The following HIBCH variants were observed in gnomAD, a reference collection of about 807,000 sequenced individuals.
HIBCH encodes the protein 3-hydroxyisobutyryl-CoA hydrolase.
A neutral mutation model predicts 58.2 loss-of-function variants in HIBCH; 50 were observed. The ratio of observed to expected loss-of-function variants is 0.86; its 90% CI spans 0.68 to 1.09. The LOEUF (loss-of-function observed/expected upper bound fraction) is 1.09, where lower values mean the gene tolerates loss of function less well. HIBCH is among the 50% of genes least tolerant of loss of function. The pLI, the probability that HIBCH is intolerant of heterozygous loss-of-function variation, is 0.00. For missense variants in HIBCH, 450 were observed against 449.7 expected (o/e 1.00, Z -0.01); for synonymous variants, 151 against 146.9 (o/e 1.03, Z -0.20).
At chr2:190,208,687 G>A (rs1199325483) in intron 13 of HIBCH, 193 bp downstream of exon 13, 3 of 438,722 alleles carry the variant, frequency 6.8e-6, no homozygotes, top group Non-Finnish European at 1.2e-5. Flanking sequence ...TTTTTTTTCA[G>A]ATTTTGGAAT....
chr2:190,227,296 C>T (rs563494893), intron 11 of HIBCH, among the ~76,000 whole-genome samples: 3 of 152,058 alleles, frequency 2.0e-5, no homozygotes, highest in Admixed American at 1.3e-4. Flanking sequence ...CCTTGACAAA[C>T]GTGACAAAAA....
chr2:190,238,821 T>C (rs1266151105), intron 11 of HIBCH, among the ~76,000 whole-genome samples: 2 of 152,050 alleles, frequency 1.3e-5, no homozygotes, highest in Non-Finnish European at 1.5e-5. Context: ...TTTGATGGGG[T>C]TGTTTTTTTC....
chr2:190,219,819 T>C (rs569624543), intron 11 of HIBCH, among the ~76,000 whole-genome samples: 1 of 152,300 alleles, frequency 6.6e-6, no homozygotes, highest in South Asian at 2.1e-4. Context: ...TCATTAAAAG[T>C]CTCGCTTTCG....
intron 11 of HIBCH, among the ~76,000 whole-genome samples, chr2:190,233,751 C>T (rs764250892): frequency 1.2e-4 from 19 of 152,064 alleles, no homozygotes; most frequent in Non-Finnish European, 2.2e-4. Flanking sequence ...CCCACATGGA[C>T]GATAAATATA....
At chr2:190,295,680 T>A (rs773400690) in intron 3 of HIBCH, among the ~76,000 whole-genome samples, 1 of 152,272 alleles carries the variant, frequency 6.6e-6, no homozygotes, top group Non-Finnish European at 1.5e-5. Context: ...TTAATAGAGA[T>A]GTTATTCTAA....
chr2:190,284,565 T>G (rs1431689584), intron 6 of HIBCH, among the ~76,000 whole-genome samples: 7 of 152,196 alleles, frequency 4.6e-5, no homozygotes, highest in Admixed American at 3.3e-4. Flanking sequence ...TATTTTTATT[T>G]TATATTTATA....
chr2:190,268,691 A>T (rs1339925269), intron 6 of HIBCH, among the ~76,000 whole-genome samples: 8 of 152,244 alleles, frequency 5.3e-5, no homozygotes, highest in Admixed American at 1.3e-4. Context: ...GCAACTAGGA[A>T]TCAGCACTTG....
intron 1 of HIBCH, among the ~76,000 whole-genome samples, chr2:190,192,274 T>G (rs1396047933): frequency 6.6e-6 from 1 of 152,122 alleles, no homozygotes; most frequent in Non-Finnish European, 1.5e-5. Flanking sequence ...TTTATGGGTG[T>G]ATCTCTGGAC....
chr2:190,244,482 C>A (rs998728883), intron 11 of HIBCH, among the ~76,000 whole-genome samples: 5 of 152,058 alleles, frequency 3.3e-5, no homozygotes, highest in African/African-American at 1.2e-4. Context: ...TTAGAAAGAC[C>A]ATATTAAGTA....
At chr2:190,266,487 G>A (rs1055584166) in intron 6 of HIBCH, among the ~76,000 whole-genome samples, 7 of 152,132 alleles carry the variant, frequency 4.6e-5, no homozygotes, top group African/African-American at 1.7e-4. Flanking sequence ...AGGCTGAAGT[G>A]CAGTGGCGTG....
At chr2:190,196,787 T>C (rs1053998116) in intron 1 of HIBCH, among the ~76,000 whole-genome samples, 4 of 152,184 alleles carry the variant, frequency 2.6e-5, no homozygotes, top group Non-Finnish European at 5.9e-5. Flanking sequence ...AATATTAATA[T>C]ATTATCTGGC....
In HIBCH at chr2:190,209,377, G is replaced by A. The variant is rs771818814; in HGVS notation, c.1012-464C>T. 6.6e-6 allele frequency among the ~76,000 whole-genome samples: 1 copy of A among 152,056 alleles called. No individual in the cohort carries two copies. Among genetic ancestry groups the A allele is most frequent in the Non-Finnish European group, 1.5e-5 (1 of 68,016 alleles). On this transcript the variant is annotated intron_variant, in intron 12 of 13. Coordinates refer to ENST00000359678, the MANE Select transcript of HIBCH (RefSeq NM_014362.4). This position sits in a 1 kb window ranked among gnomAD's most constrained non-coding sequence, Gnocchi z 5.6. ...GCAGAAAATCATACAACTGTGACTG[G>A]TTTCATTTAAAATTCATGATCAAAA...
rs768977752 is a variant in HIBCH, at chr2:190,216,472, G to A, written c.892-3397C>T. Among the ~76,000 whole-genome samples, 5 of 152,160 alleles carry A rather than the reference G, an allele frequency of 3.3e-5. No homozygotes were observed. The highest frequency in any genetic ancestry group is 1.2e-4 in the African/African-American group (5 of 41,438). On this transcript the variant is annotated intron_variant, in intron 11 of 13. Transcript: ENST00000359678. This position sits in a 1 kb window ranked among gnomAD's most constrained non-coding sequence, Gnocchi z 4.2. ...AAGGTCTGGGGGGCTATATAAGTTA[G>A]ATCAGAGGGTTGTAAACTCAAATGA...
chr2:190,285,795 C>T (rs950190886), intron 6 of HIBCH, among the ~76,000 whole-genome samples: 3 of 152,084 alleles, frequency 2.0e-5, no homozygotes, highest in Non-Finnish European at 4.4e-5. Context: ...TTCTGTGGGA[C>T]AGCTGGCCGT....
At chr2:190,283,477 C>G (rs1403287965) in intron 6 of HIBCH, among the ~76,000 whole-genome samples, 1 of 152,244 alleles carries the variant, frequency 6.6e-6, no homozygotes, top group Non-Finnish European at 1.5e-5. Flanking sequence ...ATTGCTCCAT[C>G]TGTAAGGGCA....
chr2:190,273,908 C>A (rs1015283909), intron 6 of HIBCH, among the ~76,000 whole-genome samples: 8 of 152,154 alleles, frequency 5.3e-5, no homozygotes, highest in African/African-American at 1.9e-4. Flanking sequence ...TTCCTAGACT[C>A]AAACAATCCT....
At chr2:190,288,127 C>G (rs113927932) in intron 5 of HIBCH, among the ~76,000 whole-genome samples, 373 of 147,646 alleles carry the variant, frequency 2.5e-3, no homozygotes, top group South Asian at 4.5e-3. Flanking sequence ...CCACTGCACT[C>G]CAGCCTGGGC....
intron 11 of HIBCH, 130 bp from the exon 12 acceptor site, chr2:190,213,205 A>C (rs1690555468): frequency 1.3e-6 from 1 of 780,480 alleles, no homozygotes; most frequent in African/African-American, 1.7e-5. Context: ...CCCTAGCTTA[A>C]TCCTGCCAAA....
intron 1 of HIBCH, chr2:190,311,073 C>A: frequency 6.9e-6 from 4 of 581,186 alleles, no homozygotes; most frequent in Non-Finnish European, 9.5e-6. Flanking sequence ...TCAATACAAC[C>A]ATATAAAATA....
Sources: allele counts gnomAD v4.1 joint callset (sites outside exome capture counted in the v4.1 genomes callset), GRCh38; gene constraint gnomAD v4.1.1; non-coding constraint Gnocchi (gnomAD v3.1); transcripts MANE v1.5; gene names NCBI Gene and HGNC (gene_info 2026-07-23, HGNC 2026-07-21).